The following SRGAP3 variants were observed in gnomAD, a reference collection of about 807,000 sequenced individuals.
The protein encoded by SRGAP3 is SLIT-ROBO Rho GTPase-activating protein 3.
Under a neutral mutation model 121.1 loss-of-function variants are expected in SRGAP3, and 39 were observed. The observed-to-expected ratio is 0.32, with a 90% CI of 0.25 to 0.42. The LOEUF (loss-of-function observed/expected upper bound fraction) is 0.42, where lower values mean the gene tolerates loss of function less well. Ranked by LOEUF, SRGAP3 falls within the 10% of genes least tolerant of loss-of-function variation. The pLI is 1.00. For synonymous variants in SRGAP3, 601 were observed against 570.0 expected (o/e 1.05, Z -0.77); for missense variants, 1,213 against 1,470.6 (o/e 0.82, Z 2.86).
intron 3 of SRGAP3, among the ~76,000 whole-genome samples, chr3:9,323,238 A>G (rs1955465464): frequency 2.0e-5 from 3 of 151,894 alleles, no homozygotes; most frequent in African/African-American, 7.2e-5. Flanking sequence ...ACTGTTCTGT[A>G]TCTTGACTGT....
chr3:9,039,431 C>G (rs1046167396), intron 10 of SRGAP3, among the ~76,000 whole-genome samples: 1 of 152,178 alleles, frequency 6.6e-6, no homozygotes, highest in Non-Finnish European at 1.5e-5. Context: ...TCTTACGCTT[C>G]CCTAGAATTC....
rs1430836903 is a variant in SRGAP3, at chr3:8,981,044, T to C, written c.*4475A>G. On this transcript the variant is annotated 3_prime_UTR_variant, in exon 22 of 22. Coordinates refer to ENST00000383836, the MANE Select transcript of SRGAP3 (RefSeq NM_014850.4). Reference sequence around the variant, plus strand: ...GGGGACAACTCACACAGAAAGGAGGTGTCAACAAGGGGCAGCGATGGCCAT... The same window carrying C: ...GGGGACAACTCACACAGAAAGGAGGCGTCAACAAGGGGCAGCGATGGCCAT... 4.3e-6 allele frequency: 1 copy of C among 232,582 alleles called. No homozygotes were observed. The highest frequency in any genetic ancestry group is 8.5e-6 in the Non-Finnish European group (1 of 117,694). The allele number at this position is 232,582 out of a possible 1,614,324, so 14.4% of individuals were successfully genotyped here.
chr3:9,010,287 C>T, intron 18 of SRGAP3, 21 bp downstream of exon 18: 1 of 1,614,000 alleles, frequency 6.2e-7, no homozygotes, highest in African/African-American at 1.3e-5. Flanking sequence ...ATCCCTTGTC[C>T]CCAGGATCCC....
intron 3 of SRGAP3, among the ~76,000 whole-genome samples, chr3:9,322,493 C>A (rs1575003355): frequency 6.6e-6 from 1 of 152,014 alleles, no homozygotes; most frequent in East Asian, 1.9e-4. Context: ...AGGAACAGGG[C>A]TGCACAGCAG....
chr3:9,271,443 C>T (rs958911867), intron 3 of SRGAP3, among the ~76,000 whole-genome samples: 1 of 152,206 alleles, frequency 6.6e-6, no homozygotes, highest in Non-Finnish European at 1.5e-5. Flanking sequence ...ATTCTCCCTC[C>T]CCAGGACAGC....
intron 3 of SRGAP3, among the ~76,000 whole-genome samples, chr3:9,100,239 A>G (rs1253027606): frequency 2.6e-5 from 4 of 152,078 alleles, no homozygotes; most frequent in Non-Finnish European, 5.9e-5. Context: ...CATAAACTCT[A>G]CCCACTGGCT....
chr3:9,141,599 T>C (rs1949854796), intron 1 of SRGAP3, among the ~76,000 whole-genome samples: 1 of 148,984 alleles, frequency 6.7e-6, no homozygotes, highest in African/African-American at 2.5e-5. Context: ...TGTGTGTGTG[T>C]GTGTTCTTTT....
At chr3:8,999,456 G>T (rs1574876202) in intron 18 of SRGAP3, among the ~76,000 whole-genome samples, 3 of 152,302 alleles carry the variant, frequency 2.0e-5, no homozygotes, top group South Asian at 4.1e-4. Flanking sequence ...CCATTCCAGA[G>T]AACTCTGTTA....
At chr3:9,156,295 G>C (rs1479256489) in intron 1 of SRGAP3, among the ~76,000 whole-genome samples, 1 of 152,188 alleles carries the variant, frequency 6.6e-6, no homozygotes, top group Non-Finnish European at 1.5e-5. Flanking sequence ...GGTTTGTTTT[G>C]TGTTTGTTGC....
chr3:9,353,053 G>C (rs2030282902), intron 1 of SRGAP3, among the ~76,000 whole-genome samples: 1 of 152,162 alleles, frequency 6.6e-6, no homozygotes, highest in South Asian at 2.1e-4. Context: ...ATTCTGCTTT[G>C]CCTTTGGCAC....
At chr3:9,003,826 C>T (rs1347660600) in intron 18 of SRGAP3, among the ~76,000 whole-genome samples, 1 of 152,114 alleles carries the variant, frequency 6.6e-6, no homozygotes, top group African/African-American at 2.4e-5. Flanking sequence ...ATGCTTTCCC[C>T]ATAAGATCAG....
intron 1 of SRGAP3, among the ~76,000 whole-genome samples, chr3:9,206,935 T>C (rs1182134363): frequency 6.6e-6 from 1 of 152,224 alleles, no homozygotes; most frequent in African/African-American, 2.4e-5. Flanking sequence ...GTTCATGCAG[T>C]ATCCCTAGAC....
At chr3:9,259,040 TC>T (rs1172443561) in intron 3 of SRGAP3, among the ~76,000 whole-genome samples, 12 of 152,186 alleles carry the variant, frequency 7.9e-5, no homozygotes, top group African/African-American at 2.9e-4. Context: ...CTTGCTTCTC[TC>T]CCTCTTGCTC....
rs753814262 is a variant in SRGAP3, at chr3:9,139,371, G to C, written c.68-14454C>G. Among the ~76,000 whole-genome samples the C allele has an allele frequency of 4.5e-4, 69 of 152,152 alleles. 1 individual carries two copies. The highest frequency in any genetic ancestry group is 2.5e-3 in the Admixed American group (38 of 15,284). Reference sequence around the variant, plus strand: ...GAGATTATCCTGGATCATCTGGGTGGACCCTAATGCAATTACAAGTGTCCT... The same window carrying C: ...GAGATTATCCTGGATCATCTGGGTGCACCCTAATGCAATTACAAGTGTCCT... On this transcript the variant is annotated intron_variant, in intron 1 of 21. Transcript: ENST00000383836.
chr3:9,245,001 C>G (rs992339802), intron 1 of SRGAP3, among the ~76,000 whole-genome samples: 1 of 152,188 alleles, frequency 6.6e-6, no homozygotes, highest in African/African-American at 2.4e-5. Flanking sequence ...GTATTGCAGA[C>G]AGCAGAAAGG....
chr3:9,362,460 G>T (rs868142616), intron 1 of SRGAP3, among the ~76,000 whole-genome samples: 1 of 149,546 alleles, frequency 6.7e-6, no homozygotes, highest in Non-Finnish European at 1.5e-5. Context: ...CACTGTGCCC[G>T]GCCAGGTTCA....
intron 3 of SRGAP3, among the ~76,000 whole-genome samples, chr3:9,301,997 T>C (rs57153919): frequency 0.32 from 48,724 of 152,130 alleles, 8,266 homozygotes; most frequent in African/African-American, 0.43. Flanking sequence ...ACCTAAACTC[T>C]TCTATCCAGG....
rs565648785 is a variant in SRGAP3 at position 9,215,130 on chromosome 3, A to C, written c.67+33755T>G. Among the ~76,000 whole-genome samples the C allele has an allele frequency of 3.2e-4, 49 of 152,338 alleles. 1 individual carries two copies. Among genetic ancestry groups the C allele is most frequent in the Admixed American group, 2.6e-3 (40 of 15,300 alleles). On this transcript the variant is annotated intron_variant, in intron 1 of 21. Coordinates refer to ENST00000383836, the MANE Select transcript of SRGAP3 (RefSeq NM_014850.4). ...CATATTCAAAAATGAACTGTATTTC[A>C]ACAAACGATCAAAAGAAAGAGAATG...
At chr3:9,050,225 T>C (rs1307573744) in intron 9 of SRGAP3, among the ~76,000 whole-genome samples, 3 of 152,222 alleles carry the variant, frequency 2.0e-5, no homozygotes, top group Non-Finnish European at 4.4e-5. Flanking sequence ...TCTCTATAGA[T>C]GCTTCCAGCA....
Sources: allele counts gnomAD v4.1 joint callset (sites outside exome capture counted in the v4.1 genomes callset), GRCh38; gene constraint gnomAD v4.1.1; transcripts MANE v1.5; gene names NCBI Gene and HGNC (gene_info 2026-07-23, HGNC 2026-07-21).